IL1RAPL2: variants seen among roughly 807,000 people sequenced by gnomAD.
IL1RAPL2 encodes X-linked interleukin-1 receptor accessory protein-like 2.
IL1RAPL2 carries 3 observed loss-of-function variants against 44.1 expected under a neutral mutation model. The ratio of observed to expected loss-of-function variants is 0.07; its 90% CI spans 0.03 to 0.18. The LOEUF is 0.18. IL1RAPL2 is among the 10% of genes least tolerant of loss of function. IL1RAPL2 has a pLI of 1.00. For synonymous variants in IL1RAPL2, 181 were observed against 178.8 expected (o/e 1.01, Z -0.10); for missense variants, 391 against 496.4 (o/e 0.79, Z 2.02).
intron 6 of IL1RAPL2, among the ~76,000 whole-genome samples, chrX:105,533,630 G>A (rs1483436904): frequency 8.9e-6 from 1 of 112,109 alleles, no homozygotes; most frequent in Non-Finnish European, 1.9e-5. Context: ...TCCCTAATCC[G>A]TGACAACCAC....
At chrX:104,675,171 G>A (rs1930719076) in intron 2 of IL1RAPL2, among the ~76,000 whole-genome samples, 1 of 110,655 alleles carries the variant, frequency 9.0e-6, no homozygotes, top group South Asian at 3.8e-4. Flanking sequence ...TGCTTTTCTA[G>A]TTCTTTTAAT....
At chrX:105,473,667 A>G (rs947865558) in intron 5 of IL1RAPL2, among the ~76,000 whole-genome samples, 3 of 111,941 alleles carry the variant, frequency 2.7e-5, no homozygotes, top group African/African-American at 9.7e-5. Context: ...TTAACAAGTT[A>G]TGAATGCCTA....
intron 1 of IL1RAPL2, among the ~76,000 whole-genome samples, chrX:104,591,469 C>T (rs746133095): frequency 3.6e-5 from 4 of 111,661 alleles, no homozygotes; most frequent in South Asian, 3.8e-4. Flanking sequence ...ATAATACTTG[C>T]GAATAAGCTG....
At chrX:105,495,565 G>A (rs776762507) in intron 6 of IL1RAPL2, among the ~76,000 whole-genome samples, 20 of 111,645 alleles carry the variant, frequency 1.8e-4, no homozygotes, top group Non-Finnish European at 2.3e-4. Flanking sequence ...ATTTTCCTTA[G>A]TTGTGAAGGT....
chrX:104,863,469 T>C (rs1459447342), intron 2 of IL1RAPL2, among the ~76,000 whole-genome samples: 3 of 112,240 alleles, frequency 2.7e-5, no homozygotes, highest in Non-Finnish European at 5.6e-5. Context: ...AAAAAGTTGC[T>C]ACTACCAATG....
At chrX:105,736,174 C>G (rs755697263) in intron 7 of IL1RAPL2, among the ~76,000 whole-genome samples, 5 of 111,048 alleles carry the variant, frequency 4.5e-5, no homozygotes, top group African/African-American at 6.5e-5. Context: ...TAGCCATACA[C>G]GGAAGATTGA....
rs781942307 is a variant in IL1RAPL2 at position 105,223,342 on chromosome X, C to T, written c.357-10476C>T. Among the ~76,000 whole-genome samples the T allele has an allele frequency of 2.7e-5, 3 of 111,290 alleles. No individual in the cohort carries two copies. The East Asian group carries it at 8.5e-4, about 32-fold the overall frequency. On this transcript the variant is annotated intron_variant, in intron 3 of 10. Transcript: ENST00000372582. ...AGCAAGAAGAGTAGAGGGCTGAGGA[C>T]AGCACCGTGGCCTGCCTTCATGGAT...
intron 6 of IL1RAPL2, among the ~76,000 whole-genome samples, chrX:105,651,797 C>G (rs1385390816): frequency 9.0e-6 from 1 of 111,727 alleles, no homozygotes; most frequent in Non-Finnish European, 1.9e-5. Flanking sequence ...TGTGTTTACT[C>G]CCCTGTGAAG....
intron 2 of IL1RAPL2, among the ~76,000 whole-genome samples, chrX:104,684,637 G>A (rs979112300): frequency 1.8e-5 from 2 of 112,453 alleles, no homozygotes; most frequent in Non-Finnish European, 3.8e-5. Context: ...GAATAAAGCA[G>A]CAAATGCTTT....
chrX:105,402,090 T>A (rs775089742), intron 5 of IL1RAPL2, among the ~76,000 whole-genome samples: 3 of 111,350 alleles, frequency 2.7e-5, no homozygotes, highest in African/African-American at 9.8e-5. Context: ...AAAGGTTTCA[T>A]AGAGGAGTAG....
intron 1 of IL1RAPL2, among the ~76,000 whole-genome samples, chrX:104,634,154 T>G (rs1386787781): frequency 9.0e-6 from 1 of 111,669 alleles, no homozygotes. Context: ...TTGAGCAGTT[T>G]TGAGTGAGTT....
chrX:104,853,319 T>A (rs761759607), intron 2 of IL1RAPL2, among the ~76,000 whole-genome samples: 1 of 111,491 alleles, frequency 9.0e-6, no homozygotes, highest in African/African-American at 3.3e-5. Context: ...CATGCTTAGG[T>A]GATCAGAGAT....
chrX:105,740,257 C>T (rs954592720), intron 7 of IL1RAPL2, among the ~76,000 whole-genome samples: 5 of 111,237 alleles, frequency 4.5e-5, no homozygotes, highest in Admixed American at 3.8e-4. Context: ...ATTGATAGAC[C>T]GCTAGCAAGA....
At chrX:104,820,564 G>T (rs1462088336) in intron 2 of IL1RAPL2, among the ~76,000 whole-genome samples, 1 of 111,709 alleles carries the variant, frequency 9.0e-6, no homozygotes, top group Non-Finnish European at 1.9e-5. Context: ...TGTGACCTCA[G>T]CACCAGCATT....
intron 5 of IL1RAPL2, among the ~76,000 whole-genome samples, chrX:105,436,095 A>G (rs1180071373): frequency 1.8e-5 from 2 of 111,837 alleles, no homozygotes; most frequent in African/African-American, 3.2e-5. Context: ...GATACATGCA[A>G]CAGTATGGAT....
At chrX:104,957,397 A>G (rs1216853634) in intron 2 of IL1RAPL2, among the ~76,000 whole-genome samples, 1 of 111,988 alleles carries the variant, frequency 8.9e-6, no homozygotes, top group African/African-American at 3.2e-5. Flanking sequence ...AGGGACACCC[A>G]TGCTGAAGAA....
intron 2 of IL1RAPL2, among the ~76,000 whole-genome samples, chrX:105,004,497 G>A (rs1026175702): frequency 3.6e-5 from 4 of 110,273 alleles, no homozygotes; most frequent in Non-Finnish European, 7.6e-5. Flanking sequence ...AATGAGAACA[G>A]GTTGAATTTG....
At chrX:104,632,674 A>G (rs2148012389) in intron 1 of IL1RAPL2, among the ~76,000 whole-genome samples, 1 of 107,750 alleles carries the variant, frequency 9.3e-6, no homozygotes, top group African/African-American at 3.3e-5. Context: ...AATGCTTGTG[A>G]TTTTTGCACA....
At chrX:104,677,852 C>T (rs1014301336) in intron 2 of IL1RAPL2, among the ~76,000 whole-genome samples, 1 of 111,859 alleles carries the variant, frequency 8.9e-6, no homozygotes, top group Non-Finnish European at 1.9e-5. Context: ...GGGAGTGACC[C>T]GATTTTCCAG....
Sources: allele counts gnomAD v4.1 joint callset (sites outside exome capture counted in the v4.1 genomes callset), GRCh38; gene constraint gnomAD v4.1.1; transcripts MANE v1.5; gene names NCBI Gene and HGNC (gene_info 2026-07-23, HGNC 2026-07-21).